The following NUDT3 variants were observed in gnomAD, a reference collection of about 807,000 sequenced individuals.
NUDT3 encodes the protein diphosphoinositol polyphosphate phosphohydrolase 1.
Under a neutral mutation model 23.6 loss-of-function variants are expected in NUDT3, and 9 were observed. The ratio of observed to expected loss-of-function variants is 0.38; its 90% CI spans 0.23 to 0.66. The LOEUF (loss-of-function observed/expected upper bound fraction) is 0.66, where lower values mean the gene tolerates loss of function less well. Ranked by LOEUF, NUDT3 falls within the 30% of genes least tolerant of loss-of-function variation. NUDT3 has a pLI of 0.52. For missense variants in NUDT3, 172 were observed against 218.5 expected (o/e 0.79, Z 1.34); for synonymous variants, 86 against 82.6 (o/e 1.04, Z -0.22).
rs144841105 is a variant in NUDT3, at chr6:34,322,533, G to A, written c.210+19329C>T. On this transcript the variant is annotated intron_variant, in intron 2 of 4. Coordinates refer to ENST00000607016, the MANE Select transcript of NUDT3 (RefSeq NM_006703.4). Reference sequence around the variant, plus strand: ...CATGAGCCACTGCGCCCGGTCACTGGACTCTTATAAAACAGTCAGTATCTT... The same window carrying A: ...CATGAGCCACTGCGCCCGGTCACTGAACTCTTATAAAACAGTCAGTATCTT... Among the ~76,000 whole-genome samples the A allele has an allele frequency of 4.1e-3, 627 of 152,164 alleles. 2 individuals are homozygous for A. The highest frequency in any genetic ancestry group is 0.014 in the African/African-American group (593 of 41,536).
Position 34,382,072 on chromosome 6 carries a change from CAAA to C in NUDT3, c.99+10189_99+10191del, listed in dbSNP as rs957166787. Among the ~76,000 whole-genome samples, 50 of 34,946 alleles carry C rather than the reference CAAA, an allele frequency of 1.4e-3. No individual in the cohort carries two copies. In the East Asian group the frequency reaches 0.019, roughly 13 times the overall value. The allele number at this position is 34,946 out of a possible 152,430, so 22.9% of individuals were successfully genotyped here. On this transcript the variant is annotated intron_variant, in intron 1 of 4. Coordinates refer to ENST00000607016, the MANE Select transcript of NUDT3 (RefSeq NM_006703.4). The stretch of plus-strand genomic sequence containing the variant: ...TGAGCGACAGAGCGAGACTCTATCT[CAAA>C]AAAAAAAAAAAAAAAAAAAAAAAAT...
intron 2 of NUDT3, among the ~76,000 whole-genome samples, chr6:34,330,111 C>T (rs987621552): frequency 1.3e-5 from 2 of 152,192 alleles, no homozygotes; most frequent in Admixed American, 6.5e-5. Flanking sequence ...AATAAACATA[C>T]GTGTGCATGT....
chr6:34,327,597 T>G (rs1764060413), intron 2 of NUDT3, among the ~76,000 whole-genome samples: 1 of 151,924 alleles, frequency 6.6e-6, no homozygotes, highest in Non-Finnish European at 1.5e-5. Flanking sequence ...ACCGCTATCT[T>G]CTAAGAACTT....
intron 3 of NUDT3, 88 bp from the exon 4 acceptor site, chr6:34,293,623 A>G: frequency 1.4e-6 from 2 of 1,450,438 alleles, no homozygotes; most frequent in Non-Finnish European, 9.5e-7. Context: ...GCATATGTCC[A>G]GAGAGCTCAG....
chr6:34,295,471 T>A (rs1212276360), intron 3 of NUDT3, among the ~76,000 whole-genome samples, 170 bp downstream of exon 3: 1 of 151,902 alleles, frequency 6.6e-6, no homozygotes, highest in East Asian at 1.9e-4. Context: ...CAGTGAGCTA[T>A]GACTGTGCCA....
At chr6:34,378,888 C>A (rs1305127400) in intron 1 of NUDT3, among the ~76,000 whole-genome samples, 1 of 152,188 alleles carries the variant, frequency 6.6e-6, no homozygotes, top group Non-Finnish European at 1.5e-5. Flanking sequence ...CCACAGCCAC[C>A]CAAACTCTTC....
chr6:34,391,439 C>G (rs1371217900), intron 1 of NUDT3, among the ~76,000 whole-genome samples: 2 of 152,156 alleles, frequency 1.3e-5, no homozygotes, highest in Non-Finnish European at 1.5e-5. Flanking sequence ...ACAGAAACGG[C>G]TTTGGGAAGC....
chr6:34,392,127 G>C, intron 1 of NUDT3, 137 bp downstream of exon 1: 1 of 633,488 alleles, frequency 1.6e-6, no homozygotes, highest in Non-Finnish European at 2.6e-6. Flanking sequence ...TTTCGCCTCA[G>C]GAAATTCCAT....
At position 34,377,005 on chromosome 6, in the gene NUDT3, T is replaced by C. The variant is rs71567443; in HGVS notation, c.99+15259A>G. On this transcript the variant is annotated intron_variant, in intron 1 of 4. Coordinates refer to ENST00000607016, the MANE Select transcript of NUDT3 (RefSeq NM_006703.4). ...TGGGTCTCCTTCTCCTAACATACTC[T>C]TTCCCCTCCTTTCTACGTAAATCCT... Among the ~76,000 whole-genome samples, 603 of 152,222 alleles carry C rather than the reference T, an allele frequency of 4.0e-3. 3 individuals are homozygous for C. The highest frequency in any genetic ancestry group is 0.037 in the Middle Eastern group (11 of 294).
At chr6:34,298,888 T>C (rs561549298) in intron 2 of NUDT3, among the ~76,000 whole-genome samples, 9 of 152,362 alleles carry the variant, frequency 5.9e-5, no homozygotes, top group African/African-American at 1.4e-4. Flanking sequence ...ATTTTAAAAA[T>C]TGGAATTCAG....
intron 1 of NUDT3, among the ~76,000 whole-genome samples, chr6:34,365,870 C>T (rs1473111662): frequency 4.6e-5 from 7 of 152,016 alleles, no homozygotes; most frequent in East Asian, 1.9e-4. Flanking sequence ...GGTGAAAGCT[C>T]GTCTCTACTA....
At chr6:34,293,407 C>G (rs1265362298) in intron 4 of NUDT3, 44 bp downstream of exon 4, 2 of 1,610,130 alleles carry the variant, frequency 1.2e-6, no homozygotes, top group African/African-American at 1.3e-5. Flanking sequence ...ATGGCAAGGG[C>G]TGGTTGTGAG....
intron 2 of NUDT3, among the ~76,000 whole-genome samples, chr6:34,310,977 G>A (rs1424867008): frequency 6.7e-6 from 1 of 148,274 alleles, no homozygotes; most frequent in Non-Finnish European, 1.5e-5. Context: ...TCCAATCACA[G>A]TTGGACACAG....
chr6:34,337,121 ATTGT>A (rs141491162), intron 2 of NUDT3, among the ~76,000 whole-genome samples: 4,620 of 152,270 alleles, frequency 0.03, 487 homozygotes, highest in Admixed American at 0.19. Context: ...TCTTATTTTT[ATTGT>A]TTGTACATTT....
chr6:34,356,053 T>C lies in NUDT3; in HGVS notation c.100-14081A>G, dbSNP rs111421518. Among the ~76,000 whole-genome samples, 1,294 of 152,282 alleles carry C rather than the reference T, an allele frequency of 8.5e-3. 18 individuals carry two copies. Among genetic ancestry groups the C allele is most frequent in the African/African-American group, 0.027 (1,114 of 41,552 alleles). On this transcript the variant is annotated intron_variant, in intron 1 of 4. Transcript: ENST00000607016. The stretch of plus-strand genomic sequence containing the variant: ...AGCATGACAGGAGCCACGAAGGGAC[T>C]GTGTATTTTAAATGCAGGACACACA...
chr6:34,366,716 C>T (rs530985399), intron 1 of NUDT3, among the ~76,000 whole-genome samples: 11 of 151,860 alleles, frequency 7.2e-5, no homozygotes, highest in African/African-American at 2.4e-4. Flanking sequence ...GCCACCATAT[C>T]TGGCTGAGAC....
chr6:34,347,862 C>T (rs1171814577), intron 1 of NUDT3, among the ~76,000 whole-genome samples: 1 of 152,002 alleles, frequency 6.6e-6, no homozygotes, highest in African/African-American at 2.4e-5. Flanking sequence ...GACGTACTGG[C>T]TCATACCTGT....
chr6:34,366,028 G>A (rs541469590), intron 1 of NUDT3, among the ~76,000 whole-genome samples: 73 of 151,456 alleles, frequency 4.8e-4, no homozygotes, highest in Middle Eastern at 3.4e-3. Context: ...GAGCCAGAGC[G>A]AGACTCTGTC....
chr6:34,355,970 T>TA (rs1348962489), intron 1 of NUDT3, among the ~76,000 whole-genome samples: 1 of 152,054 alleles, frequency 6.6e-6, no homozygotes, highest in Non-Finnish European at 1.5e-5. Context: ...TCCTTTATAA[T>TA]AAACCAGTAA....
Sources: allele counts gnomAD v4.1 joint callset (sites outside exome capture counted in the v4.1 genomes callset), GRCh38; gene constraint gnomAD v4.1.1; transcripts MANE v1.5; gene names NCBI Gene and HGNC (gene_info 2026-07-23, HGNC 2026-07-21).